MNAT1: variants seen among roughly 807,000 people sequenced by gnomAD.
MNAT1 encodes the protein MNAT1 component of CDK activating kinase.
MNAT1 carries 43 observed loss-of-function variants against 42.0 expected under a neutral mutation model. The observed-to-expected ratio is 1.02, with a 90% CI of 0.80 to 1.32. The LOEUF (loss-of-function observed/expected upper bound fraction) is 1.32. MNAT1 is among the 40% of genes most tolerant of loss of function. The pLI is 0.00. For missense variants in MNAT1, 306 were observed against 350.4 expected (o/e 0.87, Z 1.01); for synonymous variants, 118 against 120.0 (o/e 0.98, Z 0.11).
chr14:60,897,307 A>C lies in MNAT1; in HGVS notation c.809+17472A>C, dbSNP rs2034977313. On this transcript the variant is annotated intron_variant, in intron 7 of 7. Coordinates refer to ENST00000261245, the MANE Select transcript of MNAT1 (RefSeq NM_002431.4). ...TAAGAGTTACGGTTTTATTAAAAGC[A>C]CTGCTAGTTTATATTTATGTAAATA... 5.9e-5 allele frequency among the ~76,000 whole-genome samples: 9 copies of C among 152,240 alleles called. No homozygotes were observed. In the South Asian group the frequency reaches 1.9e-3, roughly 32 times the overall value.
At chr14:60,927,452 T>A (rs564845283) in intron 7 of MNAT1, among the ~76,000 whole-genome samples, 20 of 152,348 alleles carry the variant, frequency 1.3e-4, no homozygotes, top group Admixed American at 3.9e-4. Flanking sequence ...CAACCATCAC[T>A]ACAATCAGGG....
chr14:60,966,870 C>T (rs1456310519), intron 7 of MNAT1, among the ~76,000 whole-genome samples: 3 of 151,926 alleles, frequency 2.0e-5, no homozygotes, highest in African/African-American at 7.3e-5. Flanking sequence ...TTTTATATTA[C>T]ACTGACTATA....
intron 6 of MNAT1, among the ~76,000 whole-genome samples, chr14:60,835,843 C>A (rs1037502072): frequency 6.6e-6 from 1 of 152,116 alleles, no homozygotes; most frequent in African/African-American, 2.4e-5. Flanking sequence ...AGCTTGGTTC[C>A]GTTCTTTCCG....
In MNAT1 at chr14:60,969,545, C is replaced by T. The variant is rs1223475538; in HGVS notation, c.*1196C>T. On this transcript the variant is annotated 3_prime_UTR_variant, in exon 8 of 8. Coordinates refer to ENST00000261245, the MANE Select transcript of MNAT1 (RefSeq NM_002431.4). ...CCAAGGCATCAAATAATTGAGTAGACAAAGATCATATTCACAAGTTAGTAA... is the reference window on the plus strand; with the variant it reads ...CCAAGGCATCAAATAATTGAGTAGATAAAGATCATATTCACAAGTTAGTAA... The T allele has an allele frequency of 1.3e-5, 2 of 151,848 alleles. No homozygotes were observed. The highest frequency in any genetic ancestry group is 2.9e-5 in the Non-Finnish European group (2 of 67,932). 9.4% of individuals were successfully genotyped at this position (151,848 alleles called of 1,614,324 possible). A position where few individuals can be genotyped will look rare whatever the true frequency, so the allele number is the denominator to read the frequency against.
At chr14:60,780,411 T>G (rs888593230) in intron 1 of MNAT1, 1 of 1,567,286 alleles carries the variant, frequency 6.4e-7, no homozygotes, top group African/African-American at 1.3e-5. Context: ...CTGCCACTGT[T>G]GGAAGTTTCT....
chr14:60,821,428 T>A (rs2032887205), intron 6 of MNAT1, among the ~76,000 whole-genome samples: 3 of 152,216 alleles, frequency 2.0e-5, no homozygotes, highest in Admixed American at 2.0e-4. Context: ...TTAATGAATG[T>A]TCACTGTGGA....
intron 6 of MNAT1, among the ~76,000 whole-genome samples, chr14:60,832,681 A>G (rs1431587694): frequency 1.3e-5 from 2 of 151,814 alleles, no homozygotes; most frequent in Non-Finnish European, 2.9e-5. Context: ...TTGGTTCCAT[A>G]TGAAATGTAA....
intron 6 of MNAT1, among the ~76,000 whole-genome samples, chr14:60,844,681 G>A (rs2033639633): frequency 6.6e-6 from 1 of 150,622 alleles, no homozygotes; most frequent in South Asian, 2.2e-4. Context: ...TCTGTTACTT[G>A]CCCTATTGCA....
chr14:60,735,437 A>G (rs1388176667), intron 1 of MNAT1, among the ~76,000 whole-genome samples: 1 of 152,238 alleles, frequency 6.6e-6, no homozygotes, highest in Non-Finnish European at 1.5e-5. Context: ...GAGTTCGGTT[A>G]GACTCCCATC....
At chr14:60,834,903 C>T (rs930607904) in intron 6 of MNAT1, among the ~76,000 whole-genome samples, 4 of 150,266 alleles carry the variant, frequency 2.7e-5, no homozygotes, top group African/African-American at 7.5e-5. Flanking sequence ...TTGCATTGAT[C>T]CCTTTACCAT....
At chr14:60,941,157 G>A (rs746338947) in intron 7 of MNAT1, among the ~76,000 whole-genome samples, 1 of 152,100 alleles carries the variant, frequency 6.6e-6, no homozygotes, top group Non-Finnish European at 1.5e-5. Flanking sequence ...AAACAATGGT[G>A]AATTTAACAG....
At chr14:60,814,471 C>A (rs1489558141) in intron 5 of MNAT1, among the ~76,000 whole-genome samples, 1 of 151,736 alleles carries the variant, frequency 6.6e-6, no homozygotes, top group African/African-American at 2.4e-5. Flanking sequence ...TTCCCTGAGG[C>A]TTTTGTGTTT....
At chr14:60,944,575 A>G (rs936890086) in intron 7 of MNAT1, among the ~76,000 whole-genome samples, 2 of 152,202 alleles carry the variant, frequency 1.3e-5, no homozygotes, top group Non-Finnish European at 2.9e-5. Context: ...AGACAAATAG[A>G]CTATTACCAT....
At chr14:60,926,579 A>T (rs1474677871) in intron 7 of MNAT1, among the ~76,000 whole-genome samples, 1 of 152,216 alleles carries the variant, frequency 6.6e-6, no homozygotes, top group African/African-American at 2.4e-5. Context: ...ATTACAGAGG[A>T]TATACGTGAA....
chr14:60,780,361 C>G, intron 1 of MNAT1: 2 of 1,579,540 alleles, frequency 1.3e-6, no homozygotes, highest in Non-Finnish European at 1.7e-6. Flanking sequence ...AGGATGAAAT[C>G]CGTTCAGTCA....
intron 5 of MNAT1, among the ~76,000 whole-genome samples, chr14:60,816,736 A>G (rs2032727683): frequency 6.6e-6 from 1 of 152,034 alleles, no homozygotes; most frequent in African/African-American, 2.4e-5. Context: ...TACTCCATTA[A>G]TATTTTTTGT....
chr14:60,918,931 T>C (rs1416692674), intron 7 of MNAT1, among the ~76,000 whole-genome samples: 1 of 151,574 alleles, frequency 6.6e-6, no homozygotes, highest in Non-Finnish European at 1.5e-5. Flanking sequence ...TTTTTGAGTT[T>C]GGGAAGTTTT....
At chr14:60,787,107 G>A (rs1299064063) in intron 1 of MNAT1, among the ~76,000 whole-genome samples, 1 of 152,122 alleles carries the variant, frequency 6.6e-6, no homozygotes, top group Non-Finnish European at 1.5e-5. Flanking sequence ...CTGTGGCCAT[G>A]GTGCTTTCCC....
chr14:60,906,244 G>A (rs1337373789), intron 7 of MNAT1, among the ~76,000 whole-genome samples: 1 of 152,184 alleles, frequency 6.6e-6, no homozygotes, highest in South Asian at 2.1e-4. Flanking sequence ...AGGTTTTTAT[G>A]TAAGGGGGCA....
Sources: allele counts gnomAD v4.1 joint callset (sites outside exome capture counted in the v4.1 genomes callset), GRCh38; gene constraint gnomAD v4.1.1; transcripts MANE v1.5; gene names NCBI Gene and HGNC (gene_info 2026-07-23, HGNC 2026-07-21).